The following ERBB4 variants were observed in gnomAD, a reference collection of about 807,000 sequenced individuals.
ERBB4 encodes the protein receptor tyrosine-protein kinase erbB-4.
Under a neutral mutation model 158.0 loss-of-function variants are expected in ERBB4, and 42 were observed. The ratio of observed to expected loss-of-function variants is 0.27; its 90% CI spans 0.21 to 0.34. ERBB4 has a LOEUF of 0.34. Among genes scored for constraint, ERBB4 ranks in the 10% least tolerant of loss-of-function variants. ERBB4 has a pLI of 1.00. For synonymous variants in ERBB4, 583 were observed against 558.7 expected, an observed-to-expected ratio of 1.04 and a Z score of -0.61; for missense variants, 1,333 against 1,624.1, an observed-to-expected ratio of 0.82 and a Z score of 3.08.
chr2:212,434,146 T>C (rs948393242), intron 1 of ERBB4, among the ~76,000 whole-genome samples: 1 of 151,998 alleles, frequency 6.6e-6, no homozygotes, highest in Non-Finnish European at 1.5e-5. Context: ...TAGAATTTAA[T>C]AGTGCAAATT....
At chr2:212,527,783 C>T (rs908123784) in intron 1 of ERBB4, among the ~76,000 whole-genome samples, 1 of 151,378 alleles carries the variant, frequency 6.6e-6, no homozygotes, top group African/African-American at 2.4e-5. Flanking sequence ...ATACATGTGC[C>T]ATGCTGGTGT....
intron 1 of ERBB4, among the ~76,000 whole-genome samples, chr2:212,344,360 T>C (rs990419717): frequency 6.6e-6 from 1 of 152,092 alleles, no homozygotes; most frequent in Non-Finnish European, 1.5e-5. Flanking sequence ...CAACCAAAAA[T>C]GTCTCCAGAC....
intron 2 of ERBB4, among the ~76,000 whole-genome samples, chr2:212,067,514 A>G (rs2077979890): frequency 6.6e-6 from 1 of 152,010 alleles, no homozygotes; most frequent in Admixed American, 6.6e-5. Context: ...AAAAACAAAA[A>G]TTACTGTTCC....
At chr2:211,672,583 G>A (rs2071883130) in intron 14 of ERBB4, among the ~76,000 whole-genome samples, 1 of 152,136 alleles carries the variant, frequency 6.6e-6, no homozygotes, top group Non-Finnish European at 1.5e-5. Context: ...TTTAGTTTAT[G>A]AGTACTTGTC....
At chr2:212,489,753 A>G (rs1248833560) in intron 1 of ERBB4, among the ~76,000 whole-genome samples, 1 of 151,308 alleles carries the variant, frequency 6.6e-6, no homozygotes, top group Admixed American at 6.6e-5. Context: ...ATAGAAGAAC[A>G]GTTCAGCAGA....
intron 2 of ERBB4, among the ~76,000 whole-genome samples, chr2:212,111,759 A>G (rs1269236587): frequency 1.3e-5 from 2 of 152,136 alleles, no homozygotes; most frequent in African/African-American, 4.8e-5. Context: ...AAAAAATACC[A>G]GGCAGGGTGC....
chr2:212,080,724 A>G (rs2125466290), intron 2 of ERBB4, among the ~76,000 whole-genome samples: 1 of 151,426 alleles, frequency 6.6e-6, no homozygotes, highest in South Asian at 2.1e-4. Flanking sequence ...TATCTGGAAG[A>G]TTACATTTCA....
chr2:212,288,513 G>T (rs1378885465), intron 1 of ERBB4, among the ~76,000 whole-genome samples: 6 of 152,162 alleles, frequency 3.9e-5, no homozygotes, highest in Non-Finnish European at 7.4e-5. Context: ...GGAAGTTCAC[G>T]CCTTTTGCAG....
chr2:211,387,755 T>C (rs1007349495), intron 26 of ERBB4, among the ~76,000 whole-genome samples, 190 bp downstream of exon 26: 4 of 152,154 alleles, frequency 2.6e-5, no homozygotes, highest in Non-Finnish European at 5.9e-5. Flanking sequence ...TGTTGATGCA[T>C]GATATCTCAA....
chr2:211,451,198 A>G (rs1041511473), intron 20 of ERBB4, among the ~76,000 whole-genome samples: 2 of 152,218 alleles, frequency 1.3e-5, no homozygotes, highest in African/African-American at 4.8e-5. Flanking sequence ...CAAATATGGA[A>G]TGACTGTCAA....
chr2:212,246,243 A>G (rs988276040), intron 1 of ERBB4, among the ~76,000 whole-genome samples: 4 of 152,250 alleles, frequency 2.6e-5, no homozygotes, highest in African/African-American at 9.6e-5. Context: ...GACTTTCAGC[A>G]AAGATGAGAA....
chr2:211,974,436 G>C (rs1275211320), intron 2 of ERBB4, among the ~76,000 whole-genome samples: 1 of 152,166 alleles, frequency 6.6e-6, no homozygotes, highest in African/African-American at 2.4e-5. Flanking sequence ...ATAACCCTGA[G>C]CTCCTTCCTA....
At chr2:212,463,414 G>A (rs1189865004) in intron 1 of ERBB4, among the ~76,000 whole-genome samples, 1 of 151,938 alleles carries the variant, frequency 6.6e-6, no homozygotes, top group East Asian at 1.9e-4. Flanking sequence ...ACACATATAT[G>A]TATATATGCT....
chr2:211,518,525 A>ATG (rs2066100563), intron 20 of ERBB4, among the ~76,000 whole-genome samples: 1 of 151,970 alleles, frequency 6.6e-6, no homozygotes, highest in Non-Finnish European at 1.5e-5. Flanking sequence ...GTGGTGGTGC[A>ATG]CACCTGTAAT....
intron 1 of ERBB4, among the ~76,000 whole-genome samples, chr2:212,484,651 C>T (rs1689882935): frequency 6.6e-6 from 1 of 152,142 alleles, no homozygotes; most frequent in South Asian, 2.1e-4. Flanking sequence ...TCTCCTTTGA[C>T]TGGAAAATAA....
chr2:212,002,812 A>C lies in ERBB4; in HGVS notation c.235-55196T>G, dbSNP rs1299662146. 2.0e-5 allele frequency among the ~76,000 whole-genome samples: 3 copies of C among 152,172 alleles called. No homozygotes were observed. In the East Asian group the frequency reaches 5.8e-4, roughly 30 times the overall value. ...GGTGGCTCACGCCTGTAATCCCAGCACTTTGGGAGGCCGAGGCGGGCGGAT... is the reference window on the plus strand; with the variant it reads ...GGTGGCTCACGCCTGTAATCCCAGCCCTTTGGGAGGCCGAGGCGGGCGGAT... On this transcript the variant is annotated intron_variant, in intron 2 of 27. Transcript: ENST00000342788.
chr2:211,980,504 T>C lies in ERBB4; in HGVS notation c.235-32888A>G, dbSNP rs189182324. ...CTTTTACAGGCCCCTGGGAGATAATTTCTGTTCTAAAGGCTGTTTGTTTGT... is the reference window on the plus strand; with the variant it reads ...CTTTTACAGGCCCCTGGGAGATAATCTCTGTTCTAAAGGCTGTTTGTTTGT... On this transcript the variant is annotated intron_variant, in intron 2 of 27. Transcript: ENST00000342788. Among the ~76,000 whole-genome samples, 3 of 152,290 alleles carry C rather than the reference T, an allele frequency of 2.0e-5. No homozygotes were observed. The East Asian group carries it at 5.8e-4, about 29-fold the overall frequency.
chr2:211,901,094 G>A (rs979809829), intron 3 of ERBB4, among the ~76,000 whole-genome samples: 1 of 151,738 alleles, frequency 6.6e-6, no homozygotes, highest in Non-Finnish European at 1.5e-5. Context: ...TCTTTCATTT[G>A]GACATGTAAA....
intron 20 of ERBB4, among the ~76,000 whole-genome samples, chr2:211,460,209 C>T (rs1190402212): frequency 6.6e-6 from 1 of 152,084 alleles, no homozygotes; most frequent in Non-Finnish European, 1.5e-5. Context: ...TTATATATCT[C>T]ACTGCCTTCT....
Sources: gnomAD v4.1 joint callset for allele counts (sites outside exome capture counted in the v4.1 genomes callset) on GRCh38, gnomAD v4.1.1 for gene constraint, MANE v1.5 for transcripts, NCBI Gene and HGNC (gene_info 2026-07-23, HGNC 2026-07-21) for gene names.